The following KRT6A variants were observed in gnomAD, a reference collection of about 807,000 sequenced individuals.
KRT6A encodes the protein keratin, type II cytoskeletal 6A.
KRT6A carries 28 observed loss-of-function variants against 48.6 expected under a neutral mutation model. The observed-to-expected ratio is 0.58, with a 90% CI of 0.43 to 0.79. The LOEUF (loss-of-function observed/expected upper bound fraction) is 0.79, where lower values mean the gene tolerates loss of function less well. Ranked by LOEUF, KRT6A falls within the 30% of genes least tolerant of loss-of-function variation. The probability of loss-of-function intolerance (pLI) is 0.00; values close to 1 mark genes in which losing one functional copy is unlikely to be tolerated. For missense variants in KRT6A, 687 were observed against 724.3 expected, an observed-to-expected ratio of 0.95 and a Z score of 0.59; for synonymous variants, 301 against 294.2, an observed-to-expected ratio of 1.02 and a Z score of -0.24.
chr12:52,487,644 A>G lies in KRT6A; in HGVS notation c.*76T>C, dbSNP rs28667515. 1.3e-6 allele frequency: 2 copies of G among 1,597,608 alleles called. No individual in the cohort carries two copies. Among genetic ancestry groups the G allele is most frequent in the Middle Eastern group, 3.7e-4 (2 of 5,432 alleles). On this transcript the variant is annotated 3_prime_UTR_variant, in exon 9 of 9. Coordinates refer to ENST00000330722, the MANE Select transcript of KRT6A (RefSeq NM_005554.4). ...GGGGAGACTGGAGGCCAGGAGAGGA[A>G]AGGCAACCTGAGGAGAGGGCTCTGC... is the stretch of plus-strand genomic sequence containing the variant.
At chr12:52,490,526 G>T (rs1938240885) in intron 5 of KRT6A, 43 bp downstream of exon 5, 2 of 1,614,168 alleles carry the variant, frequency 1.2e-6, no homozygotes, top group African/African-American at 1.3e-5. Context: ...GGTATTCAGG[G>T]ATGGCACAGG....
In KRT6A at chr12:52,492,631, G is replaced by A. The variant is rs1938288971; in HGVS notation, c.540+18C>T. ...GGGGACCCTGAAGTGCCCCATGGAG[G>A]GCATGGCACTGGCTCACCTTGTCGA... On this transcript the variant is annotated intron_variant, in intron 1 of 8. Coordinates refer to ENST00000330722, the MANE Select transcript of KRT6A (RefSeq NM_005554.4). 8 of 1,613,832 alleles carry A rather than the reference G, an allele frequency of 5.0e-6. No homozygotes were observed. Among genetic ancestry groups the A allele is most frequent in the Non-Finnish European group, 6.8e-6 (8 of 1,179,906 alleles).
At position 52,487,808 on chromosome 12, in the gene KRT6A, C is replaced by T. The variant is rs376333253; in HGVS notation, c.1607G>A (p.Gly536Glu). The change falls in exon 9 of 9, where the codon GGG becomes GAG. Residue 536 changes from glycine (G) to glutamate (E), a missense_variant. By Grantham distance (98) the Gly-to-Glu change is moderately conservative (BLOSUM62 -2). Transcript: ENST00000330722. Reference sequence around the variant, plus strand: ...GCCTCCAACAGAGCTGAGGCCACCCCCAATGGCTCTGCCACTGCTGGAACT... The same window carrying T: ...GCCTCCAACAGAGCTGAGGCCACCCTCAATGGCTCTGCCACTGCTGGAACT... ...GFSSSSGRAIGGGLSSVGGGS... is the reference protein window; with the variant it reads ...GFSSSSGRAIEGGLSSVGGGS... The T allele has an allele frequency of 1.2e-6, 2 of 1,613,956 alleles. No individual in the cohort carries two copies. The highest frequency in any genetic ancestry group is 1.3e-5 in the African/African-American group (1 of 74,928).
intron 5 of KRT6A, chr12:52,490,336 A>T: frequency 1.1e-6 from 1 of 914,428 alleles, no homozygotes; most frequent in Non-Finnish European, 1.7e-6. Context: ...GGGTGAAGCT[A>T]AATGCAGAGA....
rs1481146150 is a variant in KRT6A, at chr12:52,492,711, G to T, written c.478C>A (p.Arg160=). ...LQIDPTIQRV[R]AEEREQIKTL... is the part of the protein sequence containing the mutation. ...TTGATCTGTTCACGCTCCTCAGCCCGCACCCGCTGGATGGTGGGATCGATT... is the reference window on the plus strand; with the variant it reads ...TTGATCTGTTCACGCTCCTCAGCCCTCACCCGCTGGATGGTGGGATCGATT... Residue 160 remains arginine (R), a synonymous_variant, in exon 1 of 9, where the codon CGG becomes AGG. Coordinates refer to ENST00000330722, the MANE Select transcript of KRT6A (RefSeq NM_005554.4). 2 of 1,613,972 alleles carry T rather than the reference G, an allele frequency of 1.2e-6. No individual in the cohort carries two copies. Among genetic ancestry groups the T allele is most frequent in the Non-Finnish European group, 1.7e-6 (2 of 1,179,928 alleles).
Position 52,491,095 on chromosome 12 carries a change from C to T in KRT6A, c.816+17G>A, listed in dbSNP as rs550904294. On this transcript the variant is annotated intron_variant, in intron 3 of 8. Transcript: ENST00000330722. ...CTCCTTCTAAATGAATTTGAACCCC[C>T]GGCTTCATCTGCTCACCTTCTTCAG... The T allele has an allele frequency of 1.1e-4, 184 of 1,613,796 alleles. No individual in the cohort carries two copies. Among genetic ancestry groups the T allele is most frequent in the East Asian group, 5.6e-4 (25 of 44,890 alleles).
chr12:52,492,646 C>T lies in KRT6A; in HGVS notation c.540+3G>A, dbSNP rs1476662540. ...CCCCATGGAGGGCATGGCACTGGCT[C>T]ACCTTGTCGATGAAGGAGGCAAACT... On this transcript the variant is annotated splice_donor_region_variant and intron_variant, in intron 1 of 8. Coordinates refer to ENST00000330722, the MANE Select transcript of KRT6A (RefSeq NM_005554.4). 1.9e-6 allele frequency: 3 copies of T among 1,613,924 alleles called. No homozygotes were observed. The highest frequency in any genetic ancestry group is 2.2e-5 in the South Asian group (2 of 91,076).
intron 2 of KRT6A, among the ~76,000 whole-genome samples, 153 bp downstream of exon 2, chr12:52,491,369 G>T (rs1938258588): frequency 6.6e-6 from 1 of 152,072 alleles, no homozygotes; most frequent in African/African-American, 2.4e-5. Flanking sequence ...ACCATCTGTG[G>T]TTCTTGCAGG....
chr12:52,488,244 G>C (rs1423840601), intron 7 of KRT6A, 84 bp downstream of exon 7: 2 of 1,612,962 alleles, frequency 1.2e-6, no homozygotes, highest in South Asian at 2.2e-5. Context: ...TATGGCCATG[G>C]GCAGTGCACC....
In KRT6A at chr12:52,488,386, G is replaced by A; in HGVS notation, c.1366C>T (p.Leu456=). The A allele has an allele frequency of 6.2e-7, 1 of 1,614,132 alleles. No homozygotes were observed. Among genetic ancestry groups the A allele is most frequent in the African/African-American group, 1.3e-5 (1 of 75,034 alleles). The change falls in exon 7 of 9, where the codon CTG becomes TTG. Residue 456 remains leucine, a synonymous_variant. Coordinates refer to ENST00000330722, the MANE Select transcript of KRT6A (RefSeq NM_005554.4). The stretch of plus-strand genomic sequence containing the variant: ...GTGGCGATCTCCACGTCCAGGGCCA[G>A]CTTGACATTCATCAGCTCCTGGTAC... ...KEYQELMNVK[L]ALDVEIATYR...
In KRT6A at chr12:52,493,081, G is replaced by C. The variant is rs1938303547; in HGVS notation, c.108C>G (p.Val36=). The change falls in exon 1 of 9, where the codon GTC becomes GTG. Residue 36 remains valine (V), a synonymous_variant. Transcript: ENST00000330722. ...PGVSRSGFSS[V]SVSRSRGSGG... is the part of the protein sequence containing the mutation. Reference sequence around the variant, plus strand: ...CACTGCCCCTGGAGCGGGACACGGAGACGCTGCTGAAGCCAGAGCGGCTGA... The same window carrying C: ...CACTGCCCCTGGAGCGGGACACGGACACGCTGCTGAAGCCAGAGCGGCTGA... The C allele has an allele frequency of 6.2e-7, 1 of 1,613,752 alleles. No homozygotes were observed. The highest frequency in any genetic ancestry group is 8.5e-7 in the Non-Finnish European group (1 of 1,180,030).
Position 52,490,760 on chromosome 12 carries a change from A to G in KRT6A, c.913-27T>C, listed in dbSNP as rs1283787207. On this transcript the variant is annotated intron_variant, in intron 4 of 8. Coordinates refer to ENST00000330722, the MANE Select transcript of KRT6A (RefSeq NM_005554.4). ...TGCAGAACAGAAGGTCATAAGATCA[A>G]CTTCACTTCCGATATTTACAGAGAT... 6 of 1,613,990 alleles carry G rather than the reference A, an allele frequency of 3.7e-6. No individual in the cohort carries two copies. The East Asian group carries it at 1.1e-4, about 30-fold the overall frequency.
intron 7 of KRT6A, 78 bp from the exon 8 acceptor site, chr12:52,488,181 G>A: frequency 6.2e-7 from 1 of 1,613,662 alleles, no homozygotes; most frequent in Non-Finnish European, 8.5e-7. Context: ...GCCTCGGTGG[G>A]TGGAAGAGTC....
At position 52,491,416 on chromosome 12, in the gene KRT6A, A is replaced by C. The variant is rs561437774; in HGVS notation, c.755+106T>G. 2.2e-4 allele frequency: 318 copies of C among 1,459,376 alleles called. 6 individuals are homozygous for C. The South Asian group carries it at 2.9e-3, about 13-fold the overall frequency. 90.4% of individuals were successfully genotyped at this position (1,459,376 alleles called of 1,614,324 possible). A position where few individuals can be genotyped will look rare whatever the true frequency, so the allele number is the denominator to read the frequency against. ...GGACTAATTTGTGCTCTTCATTTCC[A>C]CGGACATGGGTTGTTAGGAATATTA... On this transcript the variant is annotated intron_variant, in intron 2 of 8. Transcript: ENST00000330722.
chr12:52,488,383 C>A lies in KRT6A; in HGVS notation c.1369G>T (p.Ala457Ser), dbSNP rs367788212. The A allele has an allele frequency of 6.2e-7, 1 of 1,614,024 alleles. No individual in the cohort carries two copies. The highest frequency in any genetic ancestry group is 8.5e-7 in the Non-Finnish European group (1 of 1,180,044). Residue 457 changes from alanine (A) to serine (S), a missense_variant, in exon 7 of 9, where the codon GCC becomes TCC. Physicochemically the swap from Ala to Ser is moderately conservative, Grantham distance 99. Transcript: ENST00000330722. ...TAGGTGGCGATCTCCACGTCCAGGG[C>A]CAGCTTGACATTCATCAGCTCCTGG... ...EYQELMNVKL[A>S]LDVEIATYRK... is the part of the protein sequence containing the mutation.
chr12:52,487,595 T>C lies in KRT6A; in HGVS notation c.*125A>G. 6 of 1,193,692 alleles carry C rather than the reference T, an allele frequency of 5.0e-6. No homozygotes were observed. Among genetic ancestry groups the C allele is most frequent in the Non-Finnish European group, 7.3e-6 (6 of 826,752 alleles). 73.9% of individuals were successfully genotyped at this position (1,193,692 alleles called of 1,614,324 possible). On this transcript the variant is annotated 3_prime_UTR_variant, in exon 9 of 9. Coordinates refer to ENST00000330722, the MANE Select transcript of KRT6A (RefSeq NM_005554.4). ...AAGAAGTGAGGGCACTAAGCATCCA[T>C]ACCCAGCTCTACCTGGGACAGCAGG...
intron 5 of KRT6A, 191 bp downstream of exon 5, chr12:52,490,378 C>A: frequency 9.5e-7 from 1 of 1,055,536 alleles, no homozygotes; most frequent in Non-Finnish European, 1.4e-6. Context: ...TAGCTTTCCT[C>A]CTGCATTGGG....
intron 1 of KRT6A, among the ~76,000 whole-genome samples, chr12:52,492,327 C>A (rs540620709): frequency 6.6e-6 from 1 of 152,276 alleles, no homozygotes; most frequent in South Asian, 2.1e-4. Flanking sequence ...GTGTAATTTA[C>A]CAGCCCGTGT....
rs754732803 is a variant in KRT6A, at chr12:52,490,107, G to A, written c.1078-39C>T. 8.1e-6 allele frequency: 13 copies of A among 1,613,386 alleles called. No individual in the cohort carries two copies. The Admixed American group carries it at 2.0e-4, about 25-fold the overall frequency. On this transcript the variant is annotated intron_variant, in intron 5 of 8. Transcript: ENST00000330722. ...GTGGAGAGAGAGACAGTGTCTACGGGTTCTTACCTGGGAGCGATGACTTTC... is the reference window on the plus strand; with the variant it reads ...GTGGAGAGAGAGACAGTGTCTACGGATTCTTACCTGGGAGCGATGACTTTC...
Sources: allele counts gnomAD v4.1 joint callset (sites outside exome capture counted in the v4.1 genomes callset), GRCh38; gene constraint gnomAD v4.1.1; transcripts MANE v1.5; gene names NCBI Gene and HGNC (gene_info 2026-07-23, HGNC 2026-07-21).